The following SDK2 variants were observed in gnomAD, a reference collection of about 807,000 sequenced individuals.
SDK2 encodes the protein sidekick cell adhesion molecule 2.
SDK2 carries 105 observed loss-of-function variants against 253.9 expected under a neutral mutation model. That is an observed-to-expected ratio of 0.41 (90% CI 0.35 to 0.49). The LOEUF (loss-of-function observed/expected upper bound fraction) is 0.49. SDK2 is among the 20% of genes least tolerant of loss of function. The probability of loss-of-function intolerance (pLI) is 0.06; values close to 1 mark genes in which losing one functional copy is unlikely to be tolerated. For missense variants in SDK2, 2,608 were observed against 3,003.0 expected, an observed-to-expected ratio of 0.87 and a Z score of 3.07; for synonymous variants, 1,249 against 1,234.9, an observed-to-expected ratio of 1.01 and a Z score of -0.24.
intron 12 of SDK2, among the ~76,000 whole-genome samples, chr17:73,425,235 G>C (rs2063271313): frequency 6.6e-6 from 1 of 151,508 alleles, no homozygotes; most frequent in Non-Finnish European, 1.5e-5. Flanking sequence ...CACACAAAAA[G>C]CCCCCCCAAA....
At chr17:73,391,845 C>T (rs1297653980) in intron 27 of SDK2, among the ~76,000 whole-genome samples, 1 of 152,222 alleles carries the variant, frequency 6.6e-6, no homozygotes, top group Non-Finnish European at 1.5e-5. Flanking sequence ...GGCGCGTGGG[C>T]CCTGGATGGA....
At chr17:73,466,194 G>C (rs1458158106) in intron 3 of SDK2, among the ~76,000 whole-genome samples, 1 of 152,168 alleles carries the variant, frequency 6.6e-6, no homozygotes, top group Non-Finnish European at 1.5e-5. Flanking sequence ...AGTAGAGAGG[G>C]TGGCTAGGCA....
At chr17:73,442,897 A>G (rs1243916376) in intron 5 of SDK2, among the ~76,000 whole-genome samples, 1 of 149,386 alleles carries the variant, frequency 6.7e-6, no homozygotes. Flanking sequence ...TTATATTTTG[A>G]GTTTTTTTTT....
intron 1 of SDK2, among the ~76,000 whole-genome samples, chr17:73,626,988 G>A (rs558355584): frequency 2.0e-5 from 3 of 151,774 alleles, no homozygotes; most frequent in Non-Finnish European, 4.4e-5. Context: ...AACACTAGCC[G>A]GGGGGGTGTA....
intron 10 of SDK2, among the ~76,000 whole-genome samples, chr17:73,433,020 A>C (rs980703181): frequency 6.6e-6 from 1 of 152,048 alleles, no homozygotes; most frequent in East Asian, 1.9e-4. Context: ...CTGGGGTAGG[A>C]GACTGGCAGC....
intron 1 of SDK2, chr17:73,640,960 G>A (rs562967908): frequency 6.6e-5 from 10 of 152,170 alleles, no homozygotes; most frequent in Admixed American, 6.5e-4. Context: ...GAAATCTCTC[G>A]AGACTCTAGT....
chr17:73,617,951 G>C (rs1283224802), intron 1 of SDK2, among the ~76,000 whole-genome samples: 1 of 152,136 alleles, frequency 6.6e-6, no homozygotes, highest in Non-Finnish European at 1.5e-5. Context: ...AAACAAAACA[G>C]AACAAAGAAA....
At chr17:73,439,655 T>C (rs1469503926) in intron 6 of SDK2, among the ~76,000 whole-genome samples, 1 of 152,108 alleles carries the variant, frequency 6.6e-6, no homozygotes, top group Non-Finnish European at 1.5e-5. Flanking sequence ...GCCCATCCCA[T>C]TGGTTTAACT....
rs960442686 is a variant in SDK2 at position 73,616,610 on chromosome 17, A to C, written c.64+27415T>G. The stretch of plus-strand genomic sequence containing the variant: ...TTAGTCCTGGGTGTTTGGGGCTGAG[A>C]AAATGAACGTTCCATGATGCTATAA... On this transcript the variant is annotated intron_variant, in intron 1 of 44. Coordinates refer to ENST00000392650, the MANE Select transcript of SDK2 (RefSeq NM_001144952.2). This position sits in a 1 kb window ranked among gnomAD's most constrained non-coding sequence, Gnocchi z 5.2. Among the ~76,000 whole-genome samples the C allele has an allele frequency of 6.6e-6, 1 of 152,206 alleles. No individual in the cohort carries two copies. The highest frequency in any genetic ancestry group is 2.4e-5 in the African/African-American group (1 of 41,442).
At chr17:73,638,925 T>A (rs1340639619) in intron 1 of SDK2, among the ~76,000 whole-genome samples, 1 of 150,956 alleles carries the variant, frequency 6.6e-6, no homozygotes, top group Non-Finnish European at 1.5e-5. Flanking sequence ...TTCTCCTGCC[T>A]CAGTCTCCCA....
rs374706980 is a variant in SDK2, at chr17:73,361,290, G to A, written c.5467+394C>T. Among the ~76,000 whole-genome samples, 1 of 152,216 alleles carries A rather than the reference G, an allele frequency of 6.6e-6. No individual in the cohort carries two copies. Among genetic ancestry groups the A allele is most frequent in the African/African-American group, 2.4e-5 (1 of 41,460 alleles). ...TGGAGGGTAGGGGTGGTTCAGGGGC[G>A]TGGGAAGATGGCTCTGGCTGGGCGA... is the stretch of plus-strand genomic sequence containing the variant. On this transcript the variant is annotated intron_variant, in intron 39 of 44. Coordinates refer to ENST00000392650, the MANE Select transcript of SDK2 (RefSeq NM_001144952.2). The surrounding 1 kb of genome is among the most constrained non-coding windows in gnomAD (Gnocchi z 4.1).
Position 73,447,886 on chromosome 17 carries a change from CT to C in SDK2, c.480-139del. ...CTCCCAGGGCCCCTCCTGCCACCCC[CT>C]CCCCAACCTCTTACTGCCTACATCC... On this transcript the variant is annotated intron_variant, in intron 4 of 44. Coordinates refer to ENST00000392650, the MANE Select transcript of SDK2 (RefSeq NM_001144952.2). This position sits in a 1 kb window ranked among gnomAD's most constrained non-coding sequence, Gnocchi z 4.0. 1 of 915,484 alleles carries C rather than the reference CT, an allele frequency of 1.1e-6. No individual in the cohort carries two copies. The highest frequency in any genetic ancestry group is 1.7e-6 in the Non-Finnish European group (1 of 602,810). The allele number at this position is 915,484 out of a possible 1,614,324, so 56.7% of individuals were successfully genotyped here.
At chr17:73,396,076 C>T (rs79455981) in intron 24 of SDK2, among the ~76,000 whole-genome samples, 7,064 of 152,144 alleles carry the variant, frequency 0.046, 239 homozygotes, top group South Asian at 0.1. Flanking sequence ...TTTGTAGAGA[C>T]GAGGTTTCGC....
intron 1 of SDK2, among the ~76,000 whole-genome samples, chr17:73,552,854 C>T (rs1436045551): frequency 6.6e-6 from 1 of 152,286 alleles, no homozygotes; most frequent in Non-Finnish European, 1.5e-5. Context: ...TCTAAGCCCT[C>T]TCCTTGGCAA....
At chr17:73,547,524 A>G (rs1420340357) in intron 1 of SDK2, among the ~76,000 whole-genome samples, 1 of 152,182 alleles carries the variant, frequency 6.6e-6, no homozygotes, top group Non-Finnish European at 1.5e-5. Flanking sequence ...AAGGGTACAG[A>G]TCGGGGGATG....
At chr17:73,507,319 C>A (rs1280676605) in intron 2 of SDK2, 119 bp downstream of exon 2, 1 of 1,120,498 alleles carries the variant, frequency 8.9e-7, no homozygotes, top group Non-Finnish European at 1.2e-6. Flanking sequence ...TTCCAGAACT[C>A]CAGGCTCTAG....
chr17:73,589,881 G>A (rs2045658522), intron 1 of SDK2, among the ~76,000 whole-genome samples: 2 of 152,236 alleles, frequency 1.3e-5, no homozygotes, highest in Non-Finnish European at 2.9e-5. Flanking sequence ...CTTTGTCCTT[G>A]CTGTAATCAG....
At chr17:73,387,773 G>T in intron 30 of SDK2, 63 bp downstream of exon 30, 2 of 1,406,504 alleles carry the variant, frequency 1.4e-6, no homozygotes, top group South Asian at 2.8e-5. Flanking sequence ...CCCAGTGGAG[G>T]AGCACCGCTG....
Position 73,534,831 on chromosome 17 carries a change from C to T in SDK2, c.65-27234G>A, listed in dbSNP as rs1405682482. Among the ~76,000 whole-genome samples the T allele has an allele frequency of 6.6e-6, 1 of 152,162 alleles. No individual in the cohort carries two copies. Among genetic ancestry groups the T allele is most frequent in the Non-Finnish European group, 1.5e-5 (1 of 68,032 alleles). On this transcript the variant is annotated intron_variant, in intron 1 of 44. Coordinates refer to ENST00000392650, the MANE Select transcript of SDK2 (RefSeq NM_001144952.2). The surrounding 1 kb of genome is among the most constrained non-coding windows in gnomAD (Gnocchi z 4.9). ...TTCTCAGTAGGCTGGGGGCAGCGGG[C>T]CGGGCTCCCTGGACTCCTTTGCATC... is the stretch of plus-strand genomic sequence containing the variant.
Sources: gnomAD v4.1 joint callset for allele counts (sites outside exome capture counted in the v4.1 genomes callset) on GRCh38, gnomAD v4.1.1 for gene constraint, Gnocchi (gnomAD v3.1) non-coding constraint, MANE v1.5 for transcripts, NCBI Gene and HGNC (gene_info 2026-07-23, HGNC 2026-07-21) for gene names.